Variants in MSMB observed in about 807,000 individuals in gnomAD.
MSMB encodes beta-microseminoprotein.
In MSMB, 10 loss-of-function variants were observed where a neutral mutation model predicts 10.5. That is an observed-to-expected ratio of 0.95 (90% confidence interval 0.59 to 1.62). MSMB has a LOEUF of 1.62. MSMB is among the 40% of genes most tolerant of loss of function. MSMB has a pLI of 0.00. For missense variants in MSMB, 126 were observed against 137.4 expected, an observed-to-expected ratio of 0.92 and a Z score of 0.42; for synonymous variants, 43 against 46.5, an observed-to-expected ratio of 0.93 and a Z score of 0.30.
chr10:46,042,303 G>A (rs782785147), intron 1 of MSMB, among the ~76,000 whole-genome samples: 18 of 152,074 alleles, frequency 1.2e-4, no homozygotes, highest in Non-Finnish European at 2.6e-4. Flanking sequence ...CACACACACA[G>A]AAATGATGAA....
intron 1 of MSMB, among the ~76,000 whole-genome samples, chr10:46,043,109 A>G (rs782529103): frequency 9.2e-5 from 14 of 152,160 alleles, no homozygotes; most frequent in Non-Finnish European, 1.8e-4. Flanking sequence ...TGTTGACAGC[A>G]TTTTTACTCC....
intron 3 of MSMB, 90 bp downstream of exon 3, chr10:46,038,876 C>T: frequency 8.2e-6 from 9 of 1,091,242 alleles, no homozygotes; most frequent in Non-Finnish European, 1.2e-5. Flanking sequence ...AAAACTAAAC[C>T]CCTGAAGATT....
chr10:46,045,226 A>C (rs1222584442), intron 1 of MSMB, among the ~76,000 whole-genome samples: 3 of 152,162 alleles, frequency 2.0e-5, no homozygotes, highest in Non-Finnish European at 2.9e-5. Flanking sequence ...GGTTTTTATA[A>C]ATTTTGAAGC....
intron 2 of MSMB, among the ~76,000 whole-genome samples, chr10:46,039,715 T>C (rs1840699486): frequency 6.6e-6 from 1 of 152,102 alleles, no homozygotes; most frequent in Non-Finnish European, 1.5e-5. Context: ...AGCCCCATCT[T>C]TACCAAAAAT....
chr10:46,041,563 G>T (rs1840755027), intron 1 of MSMB, among the ~76,000 whole-genome samples: 1 of 152,116 alleles, frequency 6.6e-6, no homozygotes, highest in Non-Finnish European at 1.5e-5. Flanking sequence ...GGAAGCTGAG[G>T]CAGGCACATC....
intron 3 of MSMB, among the ~76,000 whole-genome samples, chr10:46,034,824 CAAAA>C (rs782032418): frequency 1.9e-5 from 2 of 107,446 alleles, no homozygotes; most frequent in Non-Finnish European, 1.9e-5. Context: ...GATTCCATCT[CAAAA>C]AAAAAAAAAA....
chr10:46,042,608 C>T (rs1840778216), intron 1 of MSMB, among the ~76,000 whole-genome samples: 1 of 152,180 alleles, frequency 6.6e-6, no homozygotes, highest in Admixed American at 6.5e-5. Context: ...CAGAGACAGA[C>T]TCCTCCACAA....
chr10:46,036,284 C>T (rs1840602075), intron 3 of MSMB, among the ~76,000 whole-genome samples: 1 of 152,138 alleles, frequency 6.6e-6, no homozygotes, highest in Non-Finnish European at 1.5e-5. Flanking sequence ...AAACTTCTTC[C>T]AGAAAAAGCT....
At chr10:46,037,088 T>C (rs771253060) in intron 3 of MSMB, among the ~76,000 whole-genome samples, 12 of 152,162 alleles carry the variant, frequency 7.9e-5, no homozygotes, top group Non-Finnish European at 1.3e-4. Context: ...TGAGGCCTGC[T>C]CGATAAATGT....
At position 46,033,399 on chromosome 10, in the gene MSMB, GC is replaced by G; in HGVS notation, c.*22del. The G allele has an allele frequency of 6.2e-7, 1 of 1,612,368 alleles. No homozygotes were observed. The highest frequency in any genetic ancestry group is 1.3e-5 in the African/African-American group (1 of 75,000). On this transcript the variant is annotated 3_prime_UTR_variant, in exon 4 of 4. Coordinates refer to ENST00000582163, the MANE Select transcript of MSMB (RefSeq NM_002443.4). Reference sequence around the variant, plus strand: ...GAGGAGAATGAGGCCTGGCCTGGGAGCCCTGTGCCTACTAGAAGCACATTAG... The same window carrying G: ...GAGGAGAATGAGGCCTGGCCTGGGAGCCTGTGCCTACTAGAAGCACATTAG...
intron 3 of MSMB, among the ~76,000 whole-genome samples, chr10:46,035,194 G>C (rs1006185212): frequency 6.6e-6 from 1 of 152,086 alleles, no homozygotes; most frequent in Non-Finnish European, 1.5e-5. Flanking sequence ...ATGTAAAATG[G>C]TGCAGCTGCT....
In MSMB at chr10:46,034,149, G is replaced by A. The variant is rs1394751496; in HGVS notation, c.216-598C>T. ...AATTTTTTGAGATGAATTTCACTCT[G>A]TCACCCAGGATGGAGTGCAGTGGCA... is the stretch of plus-strand genomic sequence containing the variant. On this transcript the variant is annotated intron_variant, in intron 3 of 3. Coordinates refer to ENST00000582163, the MANE Select transcript of MSMB (RefSeq NM_002443.4). 2.0e-5 allele frequency among the ~76,000 whole-genome samples: 3 copies of A among 152,248 alleles called. No homozygotes were observed. The East Asian group carries it at 5.8e-4, about 30-fold the overall frequency.
At chr10:46,042,052 A>G (rs1840766390) in intron 1 of MSMB, among the ~76,000 whole-genome samples, 1 of 152,182 alleles carries the variant, frequency 6.6e-6, no homozygotes. Flanking sequence ...TAAATTCTAA[A>G]AGGATTCAAG....
intron 3 of MSMB, among the ~76,000 whole-genome samples, chr10:46,033,891 G>C (rs1434002141): frequency 6.6e-6 from 1 of 152,162 alleles, no homozygotes; most frequent in Admixed American, 6.5e-5. Context: ...CTAGAATGTG[G>C]AAAGGAAACA....
At chr10:46,034,314 C>G (rs73318199) in intron 3 of MSMB, among the ~76,000 whole-genome samples, 11,497 of 151,148 alleles carry the variant, frequency 0.076, 1,345 homozygotes, top group African/African-American at 0.25. Context: ...CGGGTCGGCG[C>G]GGGGGAGGTC....
At chr10:46,042,476 T>C (rs1470711142) in intron 1 of MSMB, among the ~76,000 whole-genome samples, 1 of 152,194 alleles carries the variant, frequency 6.6e-6, no homozygotes, top group Non-Finnish European at 1.5e-5. Flanking sequence ...TGACTTACTT[T>C]GAACAATCGT....
chr10:46,043,029 ATTC>A (rs1840787218), intron 1 of MSMB, among the ~76,000 whole-genome samples: 1 of 152,176 alleles, frequency 6.6e-6, no homozygotes, highest in Non-Finnish European at 1.5e-5. Context: ...GTTCTGTTTC[ATTC>A]TTCTGAGTAG....
chr10:46,034,718 A>G (rs1554927326), intron 3 of MSMB, among the ~76,000 whole-genome samples: 1 of 151,682 alleles, frequency 6.6e-6, no homozygotes, highest in Non-Finnish European at 1.5e-5. Context: ...CCAGCTACTC[A>G]GGAGGCTGAG....
At chr10:46,045,161 T>TA (rs1479572186) in intron 1 of MSMB, among the ~76,000 whole-genome samples, 12 of 152,178 alleles carry the variant, frequency 7.9e-5, no homozygotes, top group Non-Finnish European at 2.9e-5. Context: ...TCCCCAGCGT[T>TA]AGTAAAGAAT....
Sources: allele counts gnomAD v4.1 joint callset (sites outside exome capture counted in the v4.1 genomes callset), GRCh38; gene constraint gnomAD v4.1.1; transcripts MANE v1.5; gene names NCBI Gene and HGNC (gene_info 2026-07-23, HGNC 2026-07-21).